The following LYPD6B variants were observed in gnomAD, a reference collection of about 807,000 sequenced individuals.
LYPD6B encodes the protein LY6/PLAUR domain containing 6B.
Under a neutral mutation model 22.8 loss-of-function variants are expected in LYPD6B, and 17 were observed. That is an observed-to-expected ratio of 0.75 (90% CI 0.51 to 1.12). LYPD6B has a LOEUF of 1.12. Among genes scored for constraint, LYPD6B ranks in the 50% most tolerant of loss-of-function variants. The pLI, the probability that LYPD6B is intolerant of heterozygous loss-of-function variation, is 0.00. For missense variants in LYPD6B, 221 were observed against 258.3 expected (o/e 0.86, Z 0.99); for synonymous variants, 106 against 91.6 (o/e 1.16, Z -0.90).
intron 1 of LYPD6B, among the ~76,000 whole-genome samples, chr2:149,052,469 A>G (rs1683607829): frequency 6.6e-6 from 1 of 152,256 alleles, no homozygotes; most frequent in Non-Finnish European, 1.5e-5. Flanking sequence ...CAAAATGAAC[A>G]GAAGCAGCCA....
intron 1 of LYPD6B, among the ~76,000 whole-genome samples, chr2:149,117,922 A>T (rs1214997586): frequency 6.6e-6 from 1 of 152,148 alleles, no homozygotes; most frequent in African/African-American, 2.4e-5. Flanking sequence ...GGTTGTAGTC[A>T]CGTCTAGGCT....
chr2:149,062,295 TG>T (rs1684125163), intron 1 of LYPD6B, among the ~76,000 whole-genome samples: 1 of 152,210 alleles, frequency 6.6e-6, no homozygotes, highest in Non-Finnish European at 1.5e-5. Flanking sequence ...CAGAATCTTT[TG>T]GATAACAAAA....
intron 1 of LYPD6B, among the ~76,000 whole-genome samples, chr2:149,086,986 C>T (rs1054908160): frequency 3.3e-5 from 5 of 150,218 alleles, no homozygotes; most frequent in African/African-American, 4.9e-5. Flanking sequence ...ACCCTATCTC[C>T]TCTTAATGAA....
chr2:149,142,795 C>T (rs190925756), intron 2 of LYPD6B, among the ~76,000 whole-genome samples: 26 of 152,284 alleles, frequency 1.7e-4, no homozygotes, highest in East Asian at 9.7e-4. Context: ...CATGCCACTA[C>T]GCCCGGTTTC....
intron 3 of LYPD6B, among the ~76,000 whole-genome samples, chr2:149,197,718 G>C (rs1284233776): frequency 6.6e-6 from 1 of 152,202 alleles, no homozygotes; most frequent in Non-Finnish European, 1.5e-5. Context: ...AGGAAGTACA[G>C]AGCAAAGGGA....
At chr2:149,048,683 T>C (rs1683419034) in intron 1 of LYPD6B, among the ~76,000 whole-genome samples, 2 of 152,196 alleles carry the variant, frequency 1.3e-5, no homozygotes, top group Admixed American at 6.5e-5. Flanking sequence ...GATCTTGTGC[T>C]TTACCTGGCT....
intron 3 of LYPD6B, among the ~76,000 whole-genome samples, chr2:149,164,905 C>T (rs1690321139): frequency 6.6e-6 from 1 of 152,198 alleles, no homozygotes; most frequent in Non-Finnish European, 1.5e-5. Flanking sequence ...TATTGCACAA[C>T]AAACCACCTC....
At chr2:149,167,894 T>A (rs1229900453) in intron 3 of LYPD6B, among the ~76,000 whole-genome samples, 2 of 152,124 alleles carry the variant, frequency 1.3e-5, no homozygotes, top group Non-Finnish European at 2.9e-5. Flanking sequence ...GGTTTTTTTA[T>A]GTTTTTTGTT....
intron 1 of LYPD6B, among the ~76,000 whole-genome samples, chr2:149,075,321 C>T (rs79588090): frequency 6.6e-6 from 1 of 152,132 alleles, no homozygotes; most frequent in Non-Finnish European, 1.5e-5. Context: ...AAAATGTAGA[C>T]ACAGACAATC....
At position 149,098,305 on chromosome 2, in the gene LYPD6B, A is replaced by G. The variant is rs371807882; in HGVS notation, c.-66-32578A>G. Among the ~76,000 whole-genome samples the G allele has an allele frequency of 3.5e-4, 54 of 152,272 alleles. No homozygotes were observed. In the South Asian group the frequency reaches 4.1e-3, roughly 12 times the overall value. On this transcript the variant is annotated intron_variant, in intron 1 of 6. Coordinates refer to ENST00000409642, the MANE Select transcript of LYPD6B (RefSeq NM_177964.5). ...AATCTGCTTTCTCCACGTGAGTTAT[A>G]TAGGATATGACCAAGGAGATTTTAA...
intron 2 of LYPD6B, among the ~76,000 whole-genome samples, chr2:149,146,455 G>A (rs1346627161): frequency 6.6e-6 from 1 of 152,206 alleles, no homozygotes; most frequent in African/African-American, 2.4e-5. Flanking sequence ...TGTGGCCAGA[G>A]CCAACAGAGG....
intron 5 of LYPD6B, among the ~76,000 whole-genome samples, chr2:149,209,688 C>A (rs1693723162): frequency 6.6e-6 from 1 of 152,172 alleles, no homozygotes; most frequent in South Asian, 2.1e-4. Flanking sequence ...ACATTGGAGA[C>A]CTCTACTATG....
intron 1 of LYPD6B, among the ~76,000 whole-genome samples, chr2:149,089,670 A>G (rs1434399268): frequency 6.6e-6 from 1 of 152,174 alleles, no homozygotes; most frequent in East Asian, 1.9e-4. Flanking sequence ...TAAATAGAGG[A>G]AGTAAATTTC....
At chr2:149,182,768 A>C (rs947573994) in intron 3 of LYPD6B, among the ~76,000 whole-genome samples, 2 of 152,216 alleles carry the variant, frequency 1.3e-5, no homozygotes, top group African/African-American at 4.8e-5. Context: ...CTGCTTCAGA[A>C]ATAGCAAAAT....
chr2:149,094,385 A>G (rs547232893), intron 1 of LYPD6B, among the ~76,000 whole-genome samples: 1 of 152,334 alleles, frequency 6.6e-6, no homozygotes, highest in South Asian at 2.1e-4. Flanking sequence ...TGGGGAAAAC[A>G]TTGTGTGCAT....
intron 2 of LYPD6B, among the ~76,000 whole-genome samples, chr2:149,143,513 CAAA>C (rs201618713): frequency 0.14 from 17,801 of 129,538 alleles, 1,274 homozygotes; most frequent in African/African-American, 0.23. Flanking sequence ...ACATGTGACG[CAAA>C]AAAAAAAAAA....
At chr2:149,122,179 AG>A (rs1239075074) in intron 1 of LYPD6B, among the ~76,000 whole-genome samples, 1 of 152,298 alleles carries the variant, frequency 6.6e-6, no homozygotes, top group African/African-American at 2.4e-5. Flanking sequence ...ACTGGGTCAC[AG>A]TGGGAGAGCT....
At chr2:149,039,811 G>A (rs914305844) in intron 1 of LYPD6B, among the ~76,000 whole-genome samples, 6 of 152,184 alleles carry the variant, frequency 3.9e-5, no homozygotes, top group Admixed American at 6.5e-5. Flanking sequence ...GATTAGGGCT[G>A]CCAGTGCACG....
At chr2:149,109,842 G>A (rs1200712774) in intron 1 of LYPD6B, among the ~76,000 whole-genome samples, 1 of 151,964 alleles carries the variant, frequency 6.6e-6, no homozygotes, top group Non-Finnish European at 1.5e-5. Flanking sequence ...CTCCTGAGTA[G>A]CTGGGATTAC....
Sources: gnomAD v4.1 joint callset for allele counts (sites outside exome capture counted in the v4.1 genomes callset) on GRCh38, gnomAD v4.1.1 for gene constraint, MANE v1.5 for transcripts, NCBI Gene and HGNC (gene_info 2026-07-23, HGNC 2026-07-21) for gene names.